Variants in SPOP observed in about 807,000 individuals in gnomAD.
SPOP encodes the protein speckle-type POZ protein.
In SPOP, 11 loss-of-function variants were observed where a neutral mutation model predicts 45.6. That is an observed-to-expected ratio of 0.24 (90% CI 0.15 to 0.40). The LOEUF is 0.40. Among genes scored for constraint, SPOP ranks in the 10% least tolerant of loss-of-function variants. The pLI is 1.00. For missense variants in SPOP, 152 were observed against 465.6 expected (o/e 0.33, Z 6.20); for synonymous variants, 166 against 166.3 (o/e 1.00, Z 0.01).
At chr17:49,660,637 C>T (rs1033632627) in intron 1 of SPOP, among the ~76,000 whole-genome samples, 6 of 152,004 alleles carry the variant, frequency 3.9e-5, no homozygotes, top group African/African-American at 1.5e-4. Flanking sequence ...CCTGACTCCT[C>T]CACCTAAATT....
intron 1 of SPOP, among the ~76,000 whole-genome samples, chr17:49,629,392 A>G (rs189319537): frequency 3.9e-5 from 6 of 152,316 alleles, no homozygotes; most frequent in African/African-American, 9.6e-5. Flanking sequence ...AGAATAATTA[A>G]TTTGTTATTT....
intron 1 of SPOP, among the ~76,000 whole-genome samples, chr17:49,658,002 T>C (rs2072938122): frequency 6.6e-6 from 1 of 151,982 alleles, no homozygotes; most frequent in African/African-American, 2.4e-5. Context: ...CGCCTGGCCA[T>C]CACAGCACAA....
In SPOP at chr17:49,610,943, C is replaced by T. The variant is rs111920084; in HGVS notation, c.658+337G>A. On this transcript the variant is annotated intron_variant, in intron 6 of 9. Transcript: ENST00000504102. ...CCTGAGTATAGAATCCTCTCCATTA[C>T]ATCCTAAACCCTTATCTAGGGGTTG... 1.8e-3 allele frequency among the ~76,000 whole-genome samples: 281 copies of T among 152,282 alleles called. 1 individual carries two copies. The highest frequency in any genetic ancestry group is 6.3e-3 in the African/African-American group (262 of 41,556).
chr17:49,608,008 TCA>T (rs1346607105), intron 6 of SPOP, 79 bp from the exon 7 acceptor site: 1 of 1,345,276 alleles, frequency 7.4e-7, no homozygotes, highest in Non-Finnish European at 1.0e-6. Flanking sequence ...GAGGGAGAGA[TCA>T]TTTTCTAACC....
intron 1 of SPOP, among the ~76,000 whole-genome samples, chr17:49,665,687 CACACACA>C (rs1265219534): frequency 2.2e-5 from 3 of 134,138 alleles, no homozygotes; most frequent in African/African-American, 8.5e-5. Context: ...CACACACACA[CACACACA>C]CCAATCTGGC....
At chr17:49,611,730 T>C (rs1863839392) in intron 5 of SPOP, among the ~76,000 whole-genome samples, 1 of 152,130 alleles carries the variant, frequency 6.6e-6, no homozygotes, top group African/African-American at 2.4e-5. Context: ...TCACCTCCCT[T>C]GGACTACAAA....
chr17:49,610,292 C>T (rs1052703401), intron 6 of SPOP, among the ~76,000 whole-genome samples: 10 of 151,714 alleles, frequency 6.6e-5, no homozygotes, highest in African/African-American at 1.7e-4. Flanking sequence ...GATCTCGGCT[C>T]ACTGCAACCT....
chr17:49,669,828 A>G (rs1443879067), intron 1 of SPOP, among the ~76,000 whole-genome samples: 1 of 151,080 alleles, frequency 6.6e-6, no homozygotes, highest in Non-Finnish European at 1.5e-5. Flanking sequence ...TGTCATTTTT[A>G]TTTACAGAAA....
chr17:49,606,457 A>G (rs2071847432), intron 8 of SPOP, among the ~76,000 whole-genome samples: 2 of 148,870 alleles, frequency 1.3e-5, no homozygotes, highest in Non-Finnish European at 3.0e-5. Context: ...CACACCCAGC[A>G]CCACTGTGCC....
At position 49,603,820 on chromosome 17, in the gene SPOP, G is replaced by A. The variant is rs145611734; in HGVS notation, c.838-1813C>T. 4.6e-3 allele frequency among the ~76,000 whole-genome samples: 697 copies of A among 152,310 alleles called. 6 individuals carry two copies. The highest frequency in any genetic ancestry group is 0.016 in the African/African-American group (647 of 41,556). ...TCATTCATAAATTTAAAGCACTGCC[G>A]TGATTCAACAGCTTTATCTTTTAAA... is the stretch of plus-strand genomic sequence containing the variant. On this transcript the variant is annotated intron_variant, in intron 8 of 9. Transcript: ENST00000504102.
chr17:49,652,625 T>C (rs1371435602), intron 1 of SPOP, among the ~76,000 whole-genome samples: 7 of 152,166 alleles, frequency 4.6e-5, no homozygotes, highest in South Asian at 2.1e-4. Context: ...TTCCTTTAAA[T>C]AGCAAGCCAT....
intron 1 of SPOP, among the ~76,000 whole-genome samples, chr17:49,665,694 A>ACC (rs1555584108): frequency 1.2e-4 from 17 of 142,188 alleles, no homozygotes; most frequent in Admixed American, 2.8e-4. Flanking sequence ...ACACACACAC[A>ACC]CCAATCTGGC....
rs966825580 is a variant in SPOP at position 49,600,244 on chromosome 17, G to C, written c.*134C>G. 1.3e-4 allele frequency: 157 copies of C among 1,188,508 alleles called. No individual in the cohort carries two copies. Among genetic ancestry groups the C allele is most frequent in the South Asian group, 2.0e-4 (14 of 69,230 alleles). 73.6% of individuals were successfully genotyped at this position (1,188,508 alleles called of 1,614,324 possible). A position where few individuals can be genotyped will look rare whatever the true frequency, so the allele number is the denominator to read the frequency against. ...TATTTAGTGCTGTTTTAAAAGTCTG[G>C]GGCCACAATGCAGTCTCTTCCCCTC... On this transcript the variant is annotated 3_prime_UTR_variant, in exon 10 of 10. Coordinates refer to ENST00000504102, the MANE Select transcript of SPOP (RefSeq NM_001007228.2). This position sits in a 1 kb window ranked among gnomAD's most constrained non-coding sequence, Gnocchi z 4.2.
intron 6 of SPOP, 57 bp from the exon 7 acceptor site, chr17:49,607,986 G>GT (rs2071887104): frequency 3.9e-6 from 6 of 1,548,104 alleles, no homozygotes; most frequent in Non-Finnish European, 5.3e-6. Flanking sequence ...TCTCTTGGTT[G>GT]TTGCCAGTCA....
intron 1 of SPOP, among the ~76,000 whole-genome samples, chr17:49,650,155 T>C (rs527777308): frequency 6.6e-6 from 1 of 152,112 alleles, no homozygotes; most frequent in South Asian, 2.1e-4. Context: ...CCTCCCAAAG[T>C]GCTTGGATTA....
chr17:49,622,620 G>T, intron 2 of SPOP, 113 bp downstream of exon 2: 1 of 883,104 alleles, frequency 1.1e-6, no homozygotes, highest in Non-Finnish European at 1.8e-6. Context: ...CTGCTCTTTG[G>T]CAGTTATGTT....
chr17:49,627,125 A>T (rs1005673216), intron 1 of SPOP, among the ~76,000 whole-genome samples: 2 of 152,226 alleles, frequency 1.3e-5, no homozygotes, highest in Non-Finnish European at 2.9e-5. Context: ...CTGGGATTAC[A>T]GGCATGAGCC....
intron 1 of SPOP, among the ~76,000 whole-genome samples, chr17:49,632,967 A>G (rs967784243): frequency 5.3e-5 from 8 of 152,364 alleles, no homozygotes; most frequent in African/African-American, 1.2e-4. Flanking sequence ...GACTAGGCAT[A>G]TAACTAAATT....
chr17:49,658,913 C>T (rs1039618965), intron 1 of SPOP, among the ~76,000 whole-genome samples: 5 of 152,186 alleles, frequency 3.3e-5, no homozygotes. Flanking sequence ...GCAACTTTCT[C>T]CACTTCCCAG....
Sources: allele counts gnomAD v4.1 joint callset (sites outside exome capture counted in the v4.1 genomes callset), GRCh38; gene constraint gnomAD v4.1.1; non-coding constraint Gnocchi (gnomAD v3.1); transcripts MANE v1.5; gene names NCBI Gene and HGNC (gene_info 2026-07-23, HGNC 2026-07-21).